CRYBG3: variants seen among roughly 807,000 people sequenced by gnomAD.
The protein encoded by CRYBG3 is crystallin beta-gamma domain containing 3.
In CRYBG3, 127 loss-of-function variants were observed where a neutral mutation model predicts 244.2. The observed-to-expected ratio is 0.52, with a 90% CI of 0.45 to 0.60. CRYBG3 has a LOEUF of 0.60. Ranked by LOEUF, CRYBG3 falls within the 20% of genes least tolerant of loss-of-function variation. The pLI is 0.00. For missense variants in CRYBG3, 3,325 were observed against 3,442.5 expected, an observed-to-expected ratio of 0.97 and a Z score of 0.85; for synonymous variants, 1,132 against 1,195.8, an observed-to-expected ratio of 0.95 and a Z score of 1.10.
intron 3 of CRYBG3, among the ~76,000 whole-genome samples, chr3:97,871,364 G>A (rs2039299901): frequency 1.3e-5 from 2 of 152,184 alleles, no homozygotes. Context: ...ACGTTTCCAA[G>A]TTACGTGCTA....
chr3:97,901,323 A>G (rs949323369), intron 15 of CRYBG3, among the ~76,000 whole-genome samples: 1 of 152,194 alleles, frequency 6.6e-6, no homozygotes, highest in East Asian at 1.9e-4. Flanking sequence ...TATAGTAATT[A>G]CTTTTAAATA....
In CRYBG3 at chr3:97,943,362, A is replaced by G. The variant is rs548143220; in HGVS notation, c.*48A>G. 9.4e-7 allele frequency: 1 copy of G among 1,063,752 alleles called. No individual in the cohort carries two copies. The highest frequency in any genetic ancestry group is 1.3e-5 in the South Asian group (1 of 76,470). 65.9% of individuals were successfully genotyped at this position (1,063,752 alleles called of 1,614,324 possible). On this transcript the variant is annotated 3_prime_UTR_variant, in exon 22 of 22. Transcript: ENST00000389622. ...ATCCCTAGAAAGAGCAAAGAAGGAA[A>G]CACATCTGTCATTGTCTTGTGGACG...
intron 2 of CRYBG3, among the ~76,000 whole-genome samples, chr3:97,859,957 T>C (rs1011769555): frequency 6.6e-6 from 1 of 152,154 alleles, no homozygotes; most frequent in African/African-American, 2.4e-5. Context: ...CTTTATACCA[T>C]AGTCACTCCC....
intron 15 of CRYBG3, among the ~76,000 whole-genome samples, chr3:97,911,271 G>A (rs1230675929): frequency 6.6e-6 from 1 of 152,204 alleles, no homozygotes; most frequent in African/African-American, 2.4e-5. Context: ...GTGCCCTAGT[G>A]CAGGCCTGTC....
chr3:97,899,514 C>T (rs1170301005), intron 14 of CRYBG3, among the ~76,000 whole-genome samples: 1 of 152,132 alleles, frequency 6.6e-6, no homozygotes, highest in Non-Finnish European at 1.5e-5. Context: ...ATGTGTTGGA[C>T]ACTATGCTAA....
chr3:97,845,525 C>T (rs540923617), intron 2 of CRYBG3, among the ~76,000 whole-genome samples: 10 of 152,264 alleles, frequency 6.6e-5, no homozygotes, highest in Non-Finnish European at 1.0e-4. Context: ...GAGATGCTTC[C>T]GGAAATTTAG....
chr3:97,914,485 A>G (rs1455331732), intron 16 of CRYBG3, among the ~76,000 whole-genome samples: 1 of 152,188 alleles, frequency 6.6e-6, no homozygotes, highest in Non-Finnish European at 1.5e-5. Context: ...CAACAGCAGG[A>G]TAAAAGAATA....
intron 15 of CRYBG3, among the ~76,000 whole-genome samples, chr3:97,906,995 T>G (rs1245068300): frequency 6.6e-6 from 1 of 151,582 alleles, no homozygotes. Flanking sequence ...CTGCATCTAT[T>G]GAGATAATCA....
chr3:97,862,453 A>G (rs1418689866), intron 2 of CRYBG3, among the ~76,000 whole-genome samples: 3 of 152,186 alleles, frequency 2.0e-5, no homozygotes, highest in Non-Finnish European at 1.5e-5. Context: ...TACTACTTAT[A>G]GAAAAGAATT....
chr3:97,865,917 A>G lies in CRYBG3; in HGVS notation c.647+1270A>G, dbSNP rs6804599. Reference sequence around the variant, plus strand: ...CAATTTTCAAATTCTTTTATGTCAAATAACATAAGCAATAATAAATTTAAA... The same window carrying G: ...CAATTTTCAAATTCTTTTATGTCAAGTAACATAAGCAATAATAAATTTAAA... On this transcript the variant is annotated intron_variant, in intron 3 of 21. Transcript: ENST00000389622. Among the ~76,000 whole-genome samples, 296 of 152,334 alleles carry G rather than the reference A, an allele frequency of 1.9e-3. 2 individuals are homozygous for G. The highest frequency in any genetic ancestry group is 6.9e-3 in the African/African-American group (286 of 41,592).
chr3:97,880,884 T>A (rs944862283), intron 6 of CRYBG3, among the ~76,000 whole-genome samples, 188 bp from the exon 7 acceptor site: 1 of 152,252 alleles, frequency 6.6e-6, no homozygotes, highest in Admixed American at 6.5e-5. Flanking sequence ...TATGCACTTT[T>A]ATTTTTTCTT....
At position 97,916,415 on chromosome 3, in the gene CRYBG3, C is replaced by T. The variant is rs1409536677; in HGVS notation, c.8241+679C>T. 2.6e-5 allele frequency among the ~76,000 whole-genome samples: 4 copies of T among 152,090 alleles called. No homozygotes were observed. The East Asian group carries it at 5.8e-4, about 22-fold the overall frequency. ...TAGAGTAAGTAGGTTTTCCTTTTTA[C>T]CACATTTATTTAGAATTTCAAATGT... On this transcript the variant is annotated intron_variant, in intron 17 of 21. Transcript: ENST00000389622.
At chr3:97,941,014 C>A in intron 19 of CRYBG3, 134 bp from the exon 20 acceptor site, 1 of 650,618 alleles carries the variant, frequency 1.5e-6, no homozygotes, top group Non-Finnish European at 2.6e-6. Context: ...TGCAGATTTA[C>A]TAAAGGGAAT....
Position 97,880,001 on chromosome 3 carries a change from T to C in CRYBG3, c.6905T>C (p.Leu2302Pro). The change falls in exon 6 of 22, where the codon CTC (leucine) becomes CCC (proline). Residue 2302 changes from leucine (L) to proline (P), a missense_variant. Coordinates refer to ENST00000389622, the MANE Select transcript of CRYBG3 (RefSeq NM_153605.4). The part of the protein sequence containing the change: ...PRPGKMVIYD[L>P]HESTYKQEVY... ...GTGTTGCAGATGGTTATCTATGATC[T>C]CCATGAAAGTACATATAAACAAGAA... The C allele has an allele frequency of 6.5e-7, 1 of 1,548,272 alleles. No individual in the cohort carries two copies. Among genetic ancestry groups the C allele is most frequent in the Non-Finnish European group, 8.9e-7 (1 of 1,125,362 alleles).
At chr3:97,826,647 G>C (rs1384611635) in intron 1 of CRYBG3, among the ~76,000 whole-genome samples, 1 of 152,178 alleles carries the variant, frequency 6.6e-6, no homozygotes, top group Non-Finnish European at 1.5e-5. Context: ...GAAGGAATCA[G>C]CATGAAGTAA....
At chr3:97,917,107 A>T (rs1238271607) in intron 17 of CRYBG3, among the ~76,000 whole-genome samples, 1 of 152,204 alleles carries the variant, frequency 6.6e-6, no homozygotes, top group African/African-American at 2.4e-5. Flanking sequence ...CTCTTAATTC[A>T]GTGAACTAAA....
Position 97,944,955 on chromosome 3 carries a change from G to T in CRYBG3, c.*1641G>T. On this transcript the variant is annotated 3_prime_UTR_variant, in exon 22 of 22. Transcript: ENST00000389622. ...CTACCACACTGGATTAAATAAACTT[G>T]TCAAAATATGGTTTTGTCATTTTCT... is the stretch of plus-strand genomic sequence containing the variant. The T allele has an allele frequency of 2.8e-6, 1 of 351,854 alleles. No individual in the cohort carries two copies. Among genetic ancestry groups the T allele is most frequent in the Non-Finnish European group, 5.1e-6 (1 of 195,538 alleles). The allele number at this position is 351,854 out of a possible 1,614,324, so 21.8% of individuals were successfully genotyped here.
chr3:97,858,165 G>GTTT (rs71113873), intron 2 of CRYBG3, among the ~76,000 whole-genome samples: 6 of 139,826 alleles, frequency 4.3e-5, no homozygotes, highest in South Asian at 2.2e-4. Flanking sequence ...TTTTAGTTGA[G>GTTT]TTTTTTTTTT....
At chr3:97,908,724 A>T (rs2039809686) in intron 15 of CRYBG3, among the ~76,000 whole-genome samples, 1 of 152,166 alleles carries the variant, frequency 6.6e-6, no homozygotes, top group African/African-American at 2.4e-5. Context: ...GTGTCTTTTA[A>T]TTGGAGCATT....
Sources: gnomAD v4.1 joint callset for allele counts (sites outside exome capture counted in the v4.1 genomes callset) on GRCh38, gnomAD v4.1.1 for gene constraint, MANE v1.5 for transcripts, NCBI Gene and HGNC (gene_info 2026-07-23, HGNC 2026-07-21) for gene names.